PARPBP: variants seen among roughly 807,000 people sequenced by gnomAD.
PARPBP encodes the protein PCNA-interacting partner.
In PARPBP, 52 loss-of-function variants were observed where a neutral mutation model predicts 50.0. The observed-to-expected ratio is 1.04, with a 90% CI of 0.83 to 1.31. The LOEUF is 1.31. Ranked by LOEUF, PARPBP falls within the 50% of genes most tolerant of loss-of-function variation. The pLI is 0.00. For missense variants in PARPBP, 697 were observed against 672.0 expected (o/e 1.04, Z -0.41); for synonymous variants, 244 against 232.1 (o/e 1.05, Z -0.47).
At chr12:102,157,487 G>C (rs565577718) in intron 4 of PARPBP, among the ~76,000 whole-genome samples, 3 of 150,228 alleles carry the variant, frequency 2.0e-5, no homozygotes, top group South Asian at 4.2e-4. Context: ...ATTCCTTGTG[G>C]TATTATTTAA....
At chr12:102,125,474 C>T (rs1245599299) in intron 2 of PARPBP, among the ~76,000 whole-genome samples, 1 of 152,028 alleles carries the variant, frequency 6.6e-6, no homozygotes, top group Non-Finnish European at 1.5e-5. Context: ...AGGGCATTAG[C>T]CATGGGGATT....
intron 7 of PARPBP, among the ~76,000 whole-genome samples, chr12:102,178,056 G>A (rs943083565): frequency 6.6e-6 from 1 of 152,204 alleles, no homozygotes; most frequent in African/African-American, 2.4e-5. Context: ...TCTTATCAAG[G>A]AAACTATGGG....
At chr12:102,170,212 A>G (rs1888551600) in intron 6 of PARPBP, among the ~76,000 whole-genome samples, 1 of 152,216 alleles carries the variant, frequency 6.6e-6, no homozygotes, top group Non-Finnish European at 1.5e-5. Flanking sequence ...CAGAAGTTGA[A>G]AATTCTGTAT....
At chr12:102,144,820 G>T (rs1177815230) in intron 2 of PARPBP, among the ~76,000 whole-genome samples, 2 of 152,064 alleles carry the variant, frequency 1.3e-5, no homozygotes, top group African/African-American at 2.4e-5. Flanking sequence ...ACCTTTGTGG[G>T]GTTGGGGAGT....
At chr12:102,191,798 A>G (rs1426245763) in intron 9 of PARPBP, among the ~76,000 whole-genome samples, 1 of 152,164 alleles carries the variant, frequency 6.6e-6, no homozygotes, top group East Asian at 1.9e-4. Flanking sequence ...ACAAAGGAAT[A>G]CTTTCAATCC....
At chr12:102,179,559 C>T (rs1889632545) in intron 8 of PARPBP, among the ~76,000 whole-genome samples, 1 of 152,144 alleles carries the variant, frequency 6.6e-6, no homozygotes, top group Admixed American at 6.5e-5. Context: ...GTCACATGTC[C>T]TTTCCTTGGT....
chr12:102,145,817 T>G (rs905380244), intron 2 of PARPBP, among the ~76,000 whole-genome samples: 2 of 152,250 alleles, frequency 1.3e-5, no homozygotes, highest in East Asian at 3.8e-4. Flanking sequence ...TTGTTACAGT[T>G]TCATGTGTCC....
At chr12:102,149,604 A>G (rs138795390) in intron 3 of PARPBP, among the ~76,000 whole-genome samples, 3 of 152,230 alleles carry the variant, frequency 2.0e-5, no homozygotes, top group Non-Finnish European at 2.9e-5. Flanking sequence ...CATGGCCACA[A>G]CAAGCTGCAA....
At chr12:102,143,971 C>T (rs1025852560) in intron 2 of PARPBP, among the ~76,000 whole-genome samples, 2 of 152,104 alleles carry the variant, frequency 1.3e-5, no homozygotes, top group African/African-American at 2.4e-5. Context: ...ATTTTATCAC[C>T]ACTCTTTCCC....
At chr12:102,173,988 T>A (rs1424131231) in intron 6 of PARPBP, among the ~76,000 whole-genome samples, 2 of 150,366 alleles carry the variant, frequency 1.3e-5, no homozygotes, top group African/African-American at 4.9e-5. Flanking sequence ...AATAGTAAAA[T>A]ATATATCATT....
intron 2 of PARPBP, among the ~76,000 whole-genome samples, chr12:102,141,946 AT>A (rs1884670430): frequency 6.6e-6 from 1 of 152,086 alleles, no homozygotes; most frequent in Non-Finnish European, 1.5e-5. Context: ...ACTTTGGTGA[AT>A]CTGATAATTA....
At position 102,197,129 on chromosome 12, in the gene PARPBP, G is replaced by T; in HGVS notation, c.*838G>T. 6.2e-7 allele frequency: 1 copy of T among 1,612,262 alleles called. No individual in the cohort carries two copies. The highest frequency in any genetic ancestry group is 2.2e-5 in the East Asian group (1 of 44,790). Reference sequence around the variant, plus strand: ...AGATAAGGTTTTATAGCCAGATTCAGTGGCAGACCATGATTTAAGAAATTA... The same window carrying T: ...AGATAAGGTTTTATAGCCAGATTCATTGGCAGACCATGATTTAAGAAATTA... On this transcript the variant is annotated 3_prime_UTR_variant, in exon 11 of 11. Coordinates refer to ENST00000327680, the MANE Select transcript of PARPBP (RefSeq NM_017915.5).
intron 4 of PARPBP, among the ~76,000 whole-genome samples, chr12:102,160,214 TA>T (rs1887415749): frequency 6.6e-6 from 1 of 152,144 alleles, no homozygotes. Context: ...AGCCATGAGC[TA>T]AAAGAAACAC....
intron 9 of PARPBP, among the ~76,000 whole-genome samples, chr12:102,189,131 A>T (rs976845187): frequency 2.0e-5 from 3 of 152,226 alleles, no homozygotes; most frequent in Non-Finnish European, 4.4e-5. Context: ...TACATTGGTC[A>T]TAATTCTTTC....
At chr12:102,171,339 T>C (rs1888708610) in intron 6 of PARPBP, among the ~76,000 whole-genome samples, 2 of 152,100 alleles carry the variant, frequency 1.3e-5, no homozygotes, top group Non-Finnish European at 2.9e-5. Flanking sequence ...ACCACAAACA[T>C]GTGAGTGATG....
intron 2 of PARPBP, among the ~76,000 whole-genome samples, chr12:102,142,476 G>A (rs1387929913): frequency 6.6e-6 from 1 of 152,206 alleles, no homozygotes; most frequent in Non-Finnish European, 1.5e-5. Context: ...ATCGTCTGAA[G>A]TCTTCTTCTC....
chr12:102,160,962 A>G (rs1351843093), intron 4 of PARPBP, among the ~76,000 whole-genome samples: 1 of 150,466 alleles, frequency 6.6e-6, no homozygotes, highest in Non-Finnish European at 1.5e-5. Context: ...AAAAAAAAAT[A>G]TATATATAAT....
chr12:102,137,249 G>A (rs1384841686), intron 2 of PARPBP, among the ~76,000 whole-genome samples: 1 of 152,134 alleles, frequency 6.6e-6, no homozygotes, highest in East Asian at 1.9e-4. Context: ...CACCACGTAA[G>A]TTTTTAATTC....
At chr12:102,187,843 C>T (rs1169921044) in intron 9 of PARPBP, among the ~76,000 whole-genome samples, 2 of 151,908 alleles carry the variant, frequency 1.3e-5, no homozygotes, top group African/African-American at 4.8e-5. Flanking sequence ...GATAGCAAAA[C>T]AATAAAAGGC....
Sources: allele counts gnomAD v4.1 joint callset (sites outside exome capture counted in the v4.1 genomes callset), GRCh38; gene constraint gnomAD v4.1.1; transcripts MANE v1.5; gene names NCBI Gene and HGNC (gene_info 2026-07-23, HGNC 2026-07-21).